The following SCFD2 variants were observed in gnomAD, a reference collection of about 807,000 sequenced individuals.
SCFD2 encodes the protein sec1 family domain-containing protein 2.
In SCFD2, 54 loss-of-function variants were observed where a neutral mutation model predicts 58.9. The ratio of observed to expected loss-of-function variants is 0.92; its 90% CI spans 0.74 to 1.15. The LOEUF (loss-of-function observed/expected upper bound fraction) is 1.15, where lower values mean the gene tolerates loss of function less well. Among genes scored for constraint, SCFD2 ranks in the 50% most tolerant of loss-of-function variants. SCFD2 has a pLI of 0.00. For missense variants in SCFD2, 805 were observed against 836.6 expected, an observed-to-expected ratio of 0.96 and a Z score of 0.47; for synonymous variants, 321 against 335.9, an observed-to-expected ratio of 0.96 and a Z score of 0.49.
chr4:53,226,892 T>A (rs1436726468), intron 4 of SCFD2, among the ~76,000 whole-genome samples: 1 of 152,234 alleles, frequency 6.6e-6, no homozygotes, highest in Admixed American at 6.5e-5. Flanking sequence ...TAAATTATTT[T>A]TAACACTCTT....
At chr4:52,965,322 A>T (rs1720939277) in intron 5 of SCFD2, among the ~76,000 whole-genome samples, 1 of 152,136 alleles carries the variant, frequency 6.6e-6, no homozygotes, top group Non-Finnish European at 1.5e-5. Context: ...TTCATGCCAC[A>T]GACACTATTT....
At position 53,188,820 on chromosome 4, in the gene SCFD2, G is replaced by A. The variant is rs1727811185; in HGVS notation, c.1312-43238C>T. Among the ~76,000 whole-genome samples the A allele has an allele frequency of 2.0e-5, 3 of 152,132 alleles. No homozygotes were observed. In the South Asian group the frequency reaches 6.2e-4, roughly 31 times the overall value. ...GGCGGGGAGGTCTAAGTACATAACTGTTTAAATTGTCTATCCAGTCTATCC... is the reference window on the plus strand; with the variant it reads ...GGCGGGGAGGTCTAAGTACATAACTATTTAAATTGTCTATCCAGTCTATCC... On this transcript the variant is annotated intron_variant, in intron 4 of 8. Transcript: ENST00000401642.
intron 3 of SCFD2, among the ~76,000 whole-genome samples, chr4:53,312,346 A>AT (rs1732717296): frequency 6.6e-6 from 1 of 152,210 alleles, no homozygotes; most frequent in Non-Finnish European, 1.5e-5. Context: ...TTGGATTTGA[A>AT]TTCCAGTCCT....
intron 5 of SCFD2, among the ~76,000 whole-genome samples, chr4:53,012,001 CTTT>C (rs11297946): frequency 0.24 from 32,671 of 137,044 alleles, 4,063 homozygotes; most frequent in South Asian, 0.36. Flanking sequence ...AGGTTTTAGG[CTTT>C]TTTTTTTTTT....
intron 5 of SCFD2, among the ~76,000 whole-genome samples, chr4:53,069,767 A>G (rs1723765730): frequency 6.6e-6 from 1 of 152,036 alleles, no homozygotes; most frequent in Non-Finnish European, 1.5e-5. Flanking sequence ...TCATCCCAAA[A>G]TAGCTGCTAC....
At chr4:53,063,764 G>T (rs1249859218) in intron 5 of SCFD2, among the ~76,000 whole-genome samples, 7 of 152,146 alleles carry the variant, frequency 4.6e-5, no homozygotes, top group Admixed American at 4.6e-4. Flanking sequence ...CATGCTAAAT[G>T]ACCTTAATCA....
intron 4 of SCFD2, among the ~76,000 whole-genome samples, chr4:53,214,651 G>A (rs1473315416): frequency 1.3e-5 from 2 of 152,090 alleles, no homozygotes; most frequent in Non-Finnish European, 2.9e-5. Flanking sequence ...AAGCTCTTTA[G>A]TTTAATTAGA....
At chr4:53,329,500 G>T (rs1020868240) in intron 2 of SCFD2, among the ~76,000 whole-genome samples, 2 of 149,408 alleles carry the variant, frequency 1.3e-5, no homozygotes, top group Admixed American at 1.3e-4. Flanking sequence ...CACCTCACAC[G>T]GCAGGGTATT....
At chr4:53,209,823 T>C (rs1284793448) in intron 4 of SCFD2, among the ~76,000 whole-genome samples, 1 of 151,748 alleles carries the variant, frequency 6.6e-6, no homozygotes, top group Non-Finnish European at 1.5e-5. Flanking sequence ...TTGAGTGTGA[T>C]TTAGGCAAAA....
chr4:53,318,684 C>A (rs1732934243), intron 2 of SCFD2, among the ~76,000 whole-genome samples: 1 of 151,798 alleles, frequency 6.6e-6, no homozygotes, highest in South Asian at 2.1e-4. Flanking sequence ...TCAGGAACAG[C>A]TGGTCAACAT....
chr4:53,236,457 T>C (rs1197799965), intron 4 of SCFD2, among the ~76,000 whole-genome samples: 1 of 149,904 alleles, frequency 6.7e-6, no homozygotes, highest in Non-Finnish European at 1.5e-5. Flanking sequence ...TAAGGATATA[T>C]ATATATATAT....
chr4:53,259,694 T>C (rs1156708109), intron 4 of SCFD2, among the ~76,000 whole-genome samples: 1 of 152,180 alleles, frequency 6.6e-6, no homozygotes, highest in East Asian at 1.9e-4. Flanking sequence ...TTGCTTTGGC[T>C]ATGCGGGCTC....
intron 7 of SCFD2, among the ~76,000 whole-genome samples, chr4:52,899,426 T>C (rs1577809914): frequency 6.6e-6 from 1 of 152,230 alleles, no homozygotes; most frequent in African/African-American, 2.4e-5. Context: ...TTTGGCTGGA[T>C]ATGAAATTCT....
At chr4:53,341,957 G>A (rs563130310) in intron 2 of SCFD2, among the ~76,000 whole-genome samples, 1 of 152,222 alleles carries the variant, frequency 6.6e-6, no homozygotes, top group East Asian at 1.9e-4. Flanking sequence ...CCTGAAAGAA[G>A]CACTAAACAT....
intron 5 of SCFD2, among the ~76,000 whole-genome samples, chr4:53,114,902 T>C (rs1367851577): frequency 4.6e-5 from 7 of 152,074 alleles, no homozygotes; most frequent in Non-Finnish European, 4.4e-5. Context: ...CCACTTGAAG[T>C]AGTAAAATAT....
At chr4:52,998,456 A>G (rs1721793409) in intron 5 of SCFD2, among the ~76,000 whole-genome samples, 1 of 152,248 alleles carries the variant, frequency 6.6e-6, no homozygotes, top group Admixed American at 6.5e-5. Flanking sequence ...AGAGTATGTC[A>G]ATGATAAGAG....
At chr4:53,295,649 C>A (rs1732001811) in intron 3 of SCFD2, among the ~76,000 whole-genome samples, 1 of 152,068 alleles carries the variant, frequency 6.6e-6, no homozygotes, top group Non-Finnish European at 1.5e-5. Context: ...GCCTGATTAC[C>A]CTGATGAGAA....
intron 5 of SCFD2, among the ~76,000 whole-genome samples, chr4:52,921,590 G>A (rs762130099): frequency 3.3e-5 from 5 of 152,082 alleles, no homozygotes; most frequent in Non-Finnish European, 7.4e-5. Flanking sequence ...CACATCATCC[G>A]TATGAGGCAG....
At chr4:52,991,860 G>T (rs537075330) in intron 5 of SCFD2, among the ~76,000 whole-genome samples, 4 of 152,100 alleles carry the variant, frequency 2.6e-5, no homozygotes, top group Non-Finnish European at 5.9e-5. Context: ...GTCCCAAAGT[G>T]ATCTTGAATC....
Sources: allele counts gnomAD v4.1 joint callset (sites outside exome capture counted in the v4.1 genomes callset), GRCh38; gene constraint gnomAD v4.1.1; transcripts MANE v1.5; gene names NCBI Gene and HGNC (gene_info 2026-07-23, HGNC 2026-07-21).